Variants in SLC22A25 observed in about 807,000 individuals in gnomAD.
SLC22A25 encodes the protein solute carrier family 22 member 25, also known as MGI:2442751, MGI:2385316, MGI:3042283, MGI:3645714, MGI:3605624, MGI:2442750.
SLC22A25 carries 44 observed loss-of-function variants against 45.9 expected under a neutral mutation model. The ratio of observed to expected loss-of-function variants is 0.96; its 90% CI spans 0.75 to 1.23. The LOEUF (loss-of-function observed/expected upper bound fraction) is 1.23. Ranked by LOEUF, SLC22A25 falls within the 50% of genes most tolerant of loss-of-function variation. SLC22A25 has a pLI of 0.00. For missense variants in SLC22A25, 800 were observed against 666.4 expected, an observed-to-expected ratio of 1.20 and a Z score of -2.21; for synonymous variants, 283 against 238.6, an observed-to-expected ratio of 1.19 and a Z score of -1.72.
At position 63,243,529 on chromosome 11, in the gene SLC22A25, CA is replaced by C; in HGVS notation, c.-1092del. The C allele has an allele frequency of 1.3e-6, 1 of 762,776 alleles. No homozygotes were observed. The highest frequency in any genetic ancestry group is 2.5e-6 in the Non-Finnish European group (1 of 408,020). The allele number at this position is 762,776 out of a possible 1,614,324, so 47.3% of individuals were successfully genotyped here. On this transcript the variant is annotated 5_prime_UTR_variant, in exon 1 of 12. It introduces an in-frame stop codon into an upstream open reading frame of the 5' UTR. Coordinates refer to ENST00000306494, the MANE Select transcript of SLC22A25 (RefSeq NM_199352.6). ...TCCTGGCCTCCAGGCTCAAAGAGTC[CA>C]GCCCACTGACTGCCAAAAAGCTGTG...
chr11:63,195,411 A>G (rs1443498715), intron 7 of SLC22A25, among the ~76,000 whole-genome samples: 2 of 152,196 alleles, frequency 1.3e-5, no homozygotes, highest in Non-Finnish European at 2.9e-5. Flanking sequence ...TGTCTCTCAG[A>G]CCACAGTGCA....
intron 7 of SLC22A25, among the ~76,000 whole-genome samples, chr11:63,211,132 C>G (rs1386697783): frequency 1.1e-4 from 17 of 152,150 alleles, no homozygotes; most frequent in Admixed American, 9.2e-4. Context: ...CCCCCCTGGA[C>G]TTGCTGCAAA....
chr11:63,217,494 C>T lies in SLC22A25; in HGVS notation c.662-12G>A. The T allele has an allele frequency of 6.2e-7, 1 of 1,612,696 alleles. No individual in the cohort carries two copies. The highest frequency in any genetic ancestry group is 8.5e-7 in the Non-Finnish European group (1 of 1,179,088). On this transcript the variant is annotated splice_polypyrimidine_tract_variant and intron_variant, in intron 6 of 11. Coordinates refer to ENST00000306494, the MANE Select transcript of SLC22A25 (RefSeq NM_199352.6). Reference sequence around the variant, plus strand: ...TATCCACTCTACAACTGAAAGAAAACACAAACAAGATTTAGCTTTAAATAC... The same window carrying T: ...TATCCACTCTACAACTGAAAGAAAATACAAACAAGATTTAGCTTTAAATAC...
intron 7 of SLC22A25, among the ~76,000 whole-genome samples, chr11:63,200,584 T>C (rs2089207052): frequency 6.6e-6 from 1 of 152,224 alleles, no homozygotes; most frequent in South Asian, 2.1e-4. Context: ...AGCTTTCCAC[T>C]TGAAAACTGG....
At chr11:63,219,832 G>C in intron 5 of SLC22A25, 1 of 995,618 alleles carries the variant, frequency 1.0e-6, no homozygotes, top group Non-Finnish European at 1.4e-6. Flanking sequence ...CACTGTCCCA[G>C]AGAGCTGGGT....
chr11:63,185,824 G>A (rs1314885418), intron 7 of SLC22A25, among the ~76,000 whole-genome samples: 1 of 147,686 alleles, frequency 6.8e-6, no homozygotes, highest in African/African-American at 2.5e-5. Context: ...ATAGTTTACT[G>A]AGAATGATGA....
At chr11:63,208,533 C>T (rs950586947) in intron 7 of SLC22A25, among the ~76,000 whole-genome samples, 7 of 152,236 alleles carry the variant, frequency 4.6e-5, no homozygotes, top group Non-Finnish European at 7.4e-5. Context: ...CTCATTTCAT[C>T]TGATAGGAAG....
At chr11:63,168,348 G>A (rs2087758201) in intron 9 of SLC22A25, among the ~76,000 whole-genome samples, 2 of 152,152 alleles carry the variant, frequency 1.3e-5, no homozygotes, top group Admixed American at 1.3e-4. Flanking sequence ...GGCTTTAGAA[G>A]GTGGGTAATA....
chr11:63,197,307 A>G (rs188553086), intron 7 of SLC22A25, among the ~76,000 whole-genome samples: 3 of 152,160 alleles, frequency 2.0e-5, no homozygotes, highest in African/African-American at 7.2e-5. Flanking sequence ...AGACAATCCT[A>G]AGCCAAAAGA....
intron 3 of SLC22A25, among the ~76,000 whole-genome samples, chr11:63,234,350 G>A (rs891746791): frequency 2.0e-5 from 3 of 152,202 alleles, no homozygotes; most frequent in African/African-American, 7.2e-5. Context: ...ATTTAGGATA[G>A]TTAGCTCTTC....
chr11:63,218,081 A>G, intron 5 of SLC22A25: 1 of 488,280 alleles, frequency 2.0e-6, no homozygotes. Context: ...ACGCACTCAC[A>G]TGTTCATTGA....
intron 7 of SLC22A25, among the ~76,000 whole-genome samples, chr11:63,192,157 A>G (rs1159608703): frequency 6.6e-6 from 1 of 152,186 alleles, no homozygotes. Context: ...ACCCCCTACA[A>G]GCCAGAAGAG....
intron 7 of SLC22A25, among the ~76,000 whole-genome samples, chr11:63,201,853 C>A (rs2089254804): frequency 6.6e-6 from 1 of 152,096 alleles, no homozygotes; most frequent in Admixed American, 6.5e-5. Context: ...GGGTGGCTGG[C>A]AAGATGGCTG....
intron 5 of SLC22A25, among the ~76,000 whole-genome samples, chr11:63,224,648 T>C (rs898413748): frequency 6.6e-6 from 1 of 152,248 alleles, no homozygotes; most frequent in Admixed American, 6.5e-5. Flanking sequence ...TAATATCTTA[T>C]AACTCATTAT....
At chr11:63,226,748 C>A (rs1403055451) in intron 5 of SLC22A25, among the ~76,000 whole-genome samples, 1 of 152,184 alleles carries the variant, frequency 6.6e-6, no homozygotes, top group Non-Finnish European at 1.5e-5. Flanking sequence ...TTCCCCTTGG[C>A]CCCAGGCAAA....
Position 63,229,722 on chromosome 11 carries a change from T to C in SLC22A25, c.-70A>G, listed in dbSNP as rs2090034735. The C allele has an allele frequency of 6.8e-7, 1 of 1,465,510 alleles. No individual in the cohort carries two copies. Among genetic ancestry groups the C allele is most frequent in the Non-Finnish European group, 9.2e-7 (1 of 1,083,398 alleles). 90.8% of individuals were successfully genotyped at this position (1,465,510 alleles called of 1,614,324 possible). The stretch of plus-strand genomic sequence containing the variant: ...TCCAGATAAGTTCAAAGAGAAAATA[T>C]TTCCTTTCCTTAAATCACACTAAGT... On this transcript the variant is annotated 5_prime_UTR_variant, in exon 4 of 12. Transcript: ENST00000306494.
chr11:63,232,615 T>C (rs1265437992), intron 3 of SLC22A25, among the ~76,000 whole-genome samples: 1 of 152,190 alleles, frequency 6.6e-6, no homozygotes, highest in Non-Finnish European at 1.5e-5. Context: ...CCTAATTGAA[T>C]TCCCTTTATT....
In SLC22A25 at chr11:63,164,543, T is replaced by C. The variant is rs2134703951; in HGVS notation, c.1377A>G (p.Leu459=). Residue 459 remains leucine, a synonymous_variant, in exon 11 of 12, where the codon CTA becomes CTG. Transcript: ENST00000306494. ...ITCSTAQENE[L]IPSIIRGRAT... ...TTTTGTACCTGATTATGGAAGGAATTAGTTCATTTTCTTGGGCAGTAGAAC... is the reference window on the plus strand; with the variant it reads ...TTTTGTACCTGATTATGGAAGGAATCAGTTCATTTTCTTGGGCAGTAGAAC... 6.2e-7 allele frequency: 1 copy of C among 1,613,738 alleles called. No individual in the cohort carries two copies. Among genetic ancestry groups the C allele is most frequent in the East Asian group, 2.2e-5 (1 of 44,836 alleles).
intron 2 of SLC22A25, among the ~76,000 whole-genome samples, chr11:63,238,391 A>C (rs1378632177): frequency 9.6e-6 from 1 of 104,202 alleles, no homozygotes; most frequent in East Asian, 2.9e-4. Flanking sequence ...GGTTTTGATC[A>C]ACCTCCCAGT....
Sources: gnomAD v4.1 joint callset for allele counts (sites outside exome capture counted in the v4.1 genomes callset) on GRCh38, gnomAD v4.1.1 for gene constraint, MANE v1.5 for transcripts, NCBI Gene and HGNC (gene_info 2026-07-23, HGNC 2026-07-21) for gene names.